Variants in TRIM55 observed in about 807,000 individuals in gnomAD.
TRIM55 encodes the protein tripartite motif containing 55.
A neutral mutation model predicts 60.9 loss-of-function variants in TRIM55; 50 were observed. That is an observed-to-expected ratio of 0.82 (90% confidence interval 0.65 to 1.04). The LOEUF (loss-of-function observed/expected upper bound fraction) is 1.04. TRIM55 is among the 50% of genes least tolerant of loss of function. TRIM55 has a pLI of 0.00. For synonymous variants in TRIM55, 237 were observed against 238.1 expected (o/e 1.00, Z 0.04); for missense variants, 681 against 666.9 (o/e 1.02, Z -0.23).
At chr8:66,146,108 A>G (rs1435947457) in intron 4 of TRIM55, among the ~76,000 whole-genome samples, 1 of 152,200 alleles carries the variant, frequency 6.6e-6, no homozygotes, top group Non-Finnish European at 1.5e-5. Context: ...TTTGTACCTA[A>G]ATTTAATAGA....
chr8:66,125,344 A>G (rs1043018151), upstream of TRIM55, among the ~76,000 whole-genome samples: 1 of 152,222 alleles, frequency 6.6e-6, no homozygotes, highest in Non-Finnish European at 1.5e-5. Context: ...CTTGAGGCCA[A>G]TGACCTATGT....
chr8:66,154,326 A>G lies in TRIM55; in HGVS notation c.1516A>G (p.Thr506Ala), dbSNP rs781152511. ...SGKETSAPAATSQIGFEAPPL... is the reference protein window; with the variant it reads ...SGKETSAPAAASQIGFEAPPL... Reference sequence around the variant, plus strand: ...TAAGGAAACTAGTGCACCTGCAGCTACTTCTCAGGTTAGTGATGATGCACT... The same window carrying G: ...TAAGGAAACTAGTGCACCTGCAGCTGCTTCTCAGGTTAGTGATGATGCACT... Residue 506 changes from threonine (T) to alanine (A), a missense_variant, in exon 9 of 10, where the codon ACT becomes GCT. By Grantham distance (58) the Thr-to-Ala change is moderately conservative (BLOSUM62 0). Transcript: ENST00000315962. 6.2e-6 allele frequency: 10 copies of G among 1,613,968 alleles called. No homozygotes were observed. Among genetic ancestry groups the G allele is most frequent in the Non-Finnish European group, 7.6e-6 (9 of 1,179,916 alleles).
intron 9 of TRIM55, among the ~76,000 whole-genome samples, chr8:66,160,602 G>A (rs1810993112): frequency 6.6e-6 from 1 of 152,102 alleles, no homozygotes; most frequent in Admixed American, 6.5e-5. Context: ...TCTCCAAACT[G>A]TTTTCCATAG....
chr8:66,162,572 T>C (rs2128984604), intron 9 of TRIM55, among the ~76,000 whole-genome samples: 1 of 152,170 alleles, frequency 6.6e-6, no homozygotes, highest in South Asian at 2.1e-4. Flanking sequence ...CTCTCTCTTT[T>C]GGAGTAGGGT....
chr8:66,114,425 AAATT>A, the TRIM55 span: 3 of 418,646 alleles, frequency 7.2e-6, no homozygotes, highest in East Asian at 2.1e-4. Context: ...TTCTAGCTTT[AAATT>A]TTTAGACCCA....
intron 4 of TRIM55, among the ~76,000 whole-genome samples, chr8:66,147,877 C>T (rs1346533579): frequency 6.6e-6 from 1 of 151,344 alleles, no homozygotes; most frequent in Non-Finnish European, 1.5e-5. Flanking sequence ...GCTCTGTGTC[C>T]TAGGCAGACC....
At chr8:66,161,437 G>A (rs902285506) in intron 9 of TRIM55, among the ~76,000 whole-genome samples, 11 of 151,912 alleles carry the variant, frequency 7.2e-5, no homozygotes, top group East Asian at 1.9e-4. Context: ...GGCCTTCTAG[G>A]ATAGTTTGAA....
intron 9 of TRIM55, among the ~76,000 whole-genome samples, chr8:66,174,230 C>A (rs1393945033): frequency 6.6e-6 from 1 of 151,252 alleles, no homozygotes; most frequent in Non-Finnish European, 1.5e-5. Flanking sequence ...CTCTCCACTG[C>A]ATGCATTACT....
chr8:66,164,876 G>A lies in TRIM55; in HGVS notation c.1525-9595G>A, dbSNP rs112525690. 3.3e-3 allele frequency among the ~76,000 whole-genome samples: 501 copies of A among 150,954 alleles called. 3 individuals carry two copies. The highest frequency in any genetic ancestry group is 0.011 in the African/African-American group (453 of 41,166). On this transcript the variant is annotated intron_variant, in intron 9 of 9. Coordinates refer to ENST00000315962, the MANE Select transcript of TRIM55 (RefSeq NM_184085.2). ...GGAAAATAAAAAACATTACATTACA[G>A]AAAAAAGGCAGGGAGGAAAGGAAAA... is the stretch of plus-strand genomic sequence containing the variant.
At position 66,127,192 on chromosome 8, in the gene TRIM55, G is replaced by A. The variant is rs1175334159; in HGVS notation, c.-77G>A. 14 of 1,440,172 alleles carry A rather than the reference G, an allele frequency of 9.7e-6. No homozygotes were observed. Among genetic ancestry groups the A allele is most frequent in the Admixed American group, 5.8e-5 (3 of 51,492 alleles). The allele number at this position is 1,440,172 out of a possible 1,614,324, so 89.2% of individuals were successfully genotyped here. A position where few individuals can be genotyped will look rare whatever the true frequency, so the allele number is the denominator to read the frequency against. ...AGGACACTTGATCACACAATCCCTG[G>A]AATAATATCCAGGAAACACTTGCTG... On this transcript the variant is annotated 5_prime_UTR_variant, in exon 1 of 10. Coordinates refer to ENST00000315962, the MANE Select transcript of TRIM55 (RefSeq NM_184085.2).
chr8:66,135,417 A>G (rs1001684054), intron 3 of TRIM55, among the ~76,000 whole-genome samples: 7 of 152,220 alleles, frequency 4.6e-5, no homozygotes, highest in Non-Finnish European at 1.0e-4. Context: ...GCAGAACGGC[A>G]CGATCCCTGT....
At chr8:66,119,472 A>C in the TRIM55 span, among the ~76,000 whole-genome samples, 2 of 152,222 alleles carry the variant, frequency 1.3e-5, no homozygotes, top group Non-Finnish European at 2.9e-5. Context: ...CTGGACTTGC[A>C]ATTACCTGCA....
intron 2 of TRIM55, among the ~76,000 whole-genome samples, chr8:66,131,756 G>C (rs747818625): frequency 2.0e-5 from 3 of 152,170 alleles, no homozygotes; most frequent in Non-Finnish European, 2.9e-5. Context: ...CATAGCTCAA[G>C]TCAGCTTGCT....
chr8:66,124,677 A>T (rs2128971013), upstream of TRIM55, among the ~76,000 whole-genome samples: 2 of 152,366 alleles, frequency 1.3e-5, no homozygotes, highest in Middle Eastern at 6.8e-3. Flanking sequence ...TCAAGCTGGG[A>T]ACTGCGTCAG....
chr8:66,123,294 T>C (rs1476592252), upstream of TRIM55, among the ~76,000 whole-genome samples: 1 of 152,248 alleles, frequency 6.6e-6, no homozygotes, highest in Non-Finnish European at 1.5e-5. Context: ...TGATGTCTTA[T>C]GTCTCCCTGA....
At chr8:66,160,763 T>C (rs1463811216) in intron 9 of TRIM55, among the ~76,000 whole-genome samples, 2 of 152,140 alleles carry the variant, frequency 1.3e-5, no homozygotes, top group African/African-American at 4.8e-5. Flanking sequence ...ATTTCCCTGA[T>C]AATTAGTGAG....
At chr8:66,120,746 A>G in the TRIM55 span, among the ~76,000 whole-genome samples, 2 of 152,158 alleles carry the variant, frequency 1.3e-5, no homozygotes, top group Non-Finnish European at 2.9e-5. Flanking sequence ...TGCCCTATGC[A>G]TTTCTTCTTT....
intron 4 of TRIM55, among the ~76,000 whole-genome samples, chr8:66,141,723 G>C (rs935321153): frequency 6.6e-6 from 1 of 152,204 alleles, no homozygotes; most frequent in African/African-American, 2.4e-5. Flanking sequence ...AGTGGAAACT[G>C]TTCCAAGTAA....
At chr8:66,163,495 T>G (rs1373760365) in intron 9 of TRIM55, among the ~76,000 whole-genome samples, 4 of 152,224 alleles carry the variant, frequency 2.6e-5, no homozygotes, top group Non-Finnish European at 5.9e-5. Context: ...ATTTAAAACA[T>G]TTTCTAGCTT....
Sources: gnomAD v4.1 joint callset for allele counts (sites outside exome capture counted in the v4.1 genomes callset) on GRCh38, gnomAD v4.1.1 for gene constraint, MANE v1.5 for transcripts, NCBI Gene and HGNC (gene_info 2026-07-23, HGNC 2026-07-21) for gene names.